SHISA9: variants seen among roughly 807,000 people sequenced by gnomAD.
The protein encoded by SHISA9 is shisa family member 9.
SHISA9 carries 13 observed loss-of-function variants against 38.0 expected under a neutral mutation model. The ratio of observed to expected loss-of-function variants is 0.34; its 90% CI spans 0.22 to 0.54. The LOEUF is 0.54. Ranked by LOEUF, SHISA9 falls within the 20% of genes least tolerant of loss-of-function variation. SHISA9 has a pLI of 0.91. For missense variants in SHISA9, 538 were observed against 575.8 expected, an observed-to-expected ratio of 0.93 and a Z score of 0.67; for synonymous variants, 275 against 242.0, an observed-to-expected ratio of 1.14 and a Z score of -1.27.
the SHISA9 span, among the ~76,000 whole-genome samples, chr16:13,308,770 T>TC: frequency 6.6e-6 from 1 of 152,096 alleles, no homozygotes; most frequent in Non-Finnish European, 1.5e-5. Flanking sequence ...GATGGAAAAA[T>TC]CCCACCACCA....
intron 2 of SHISA9, among the ~76,000 whole-genome samples, chr16:13,079,381 A>G (rs1363289430): frequency 1.3e-5 from 2 of 152,204 alleles, no homozygotes; most frequent in Non-Finnish European, 2.9e-5. Flanking sequence ...TGTCTTACCT[A>G]TCATAAGCTT....
chr16:12,991,129 A>T (rs11863093), intron 2 of SHISA9, among the ~76,000 whole-genome samples: 5,294 of 152,228 alleles, frequency 0.035, 167 homozygotes, highest in African/African-American at 0.089. Context: ...AAGGAGTTGA[A>T]TACCTTTTTA....
chr16:12,926,278 T>TC (rs2071392593), intron 2 of SHISA9, among the ~76,000 whole-genome samples: 3 of 152,186 alleles, frequency 2.0e-5, no homozygotes, highest in Non-Finnish European at 4.4e-5. Flanking sequence ...TGCCTCTTTT[T>TC]CTATTTGTTT....
At chr16:13,264,764 C>A in the SHISA9 span, among the ~76,000 whole-genome samples, 3 of 151,900 alleles carry the variant, frequency 2.0e-5, no homozygotes, top group Admixed American at 2.0e-4. Flanking sequence ...AGCACAGAAC[C>A]CTCATCTTGG....
the SHISA9 span, among the ~76,000 whole-genome samples, chr16:13,288,529 C>T: frequency 6.6e-6 from 1 of 152,092 alleles, no homozygotes; most frequent in African/African-American, 2.4e-5. Flanking sequence ...GGTGGGGTGG[C>T]TCACTCCTAT....
At chr16:13,211,958 C>T (rs1053832663) in intron 3 of SHISA9, among the ~76,000 whole-genome samples, 1 of 152,160 alleles carries the variant, frequency 6.6e-6, no homozygotes, top group African/African-American at 2.4e-5. Context: ...GTGGGCCCGA[C>T]TCAGTTTTAA....
chr16:13,488,336 C>G, the SHISA9 span, among the ~76,000 whole-genome samples: 1 of 151,720 alleles, frequency 6.6e-6, no homozygotes, highest in African/African-American at 2.4e-5. Flanking sequence ...TAATTATGAA[C>G]TGTTATTGAC....
At chr16:13,519,735 G>A in the SHISA9 span, among the ~76,000 whole-genome samples, 1 of 152,122 alleles carries the variant, frequency 6.6e-6, no homozygotes, top group South Asian at 2.1e-4. Context: ...TCTTCACATG[G>A]TGGCAGGAGA....
At chr16:13,490,291 A>T in the SHISA9 span, among the ~76,000 whole-genome samples, 2 of 152,194 alleles carry the variant, frequency 1.3e-5, no homozygotes, top group Non-Finnish European at 1.5e-5. Flanking sequence ...GGCCGGGCAC[A>T]GTGACGCACA....
the SHISA9 span, among the ~76,000 whole-genome samples, chr16:13,527,922 A>G: frequency 2.0e-5 from 3 of 152,310 alleles, no homozygotes; most frequent in South Asian, 6.2e-4. Flanking sequence ...TGATAGAAAA[A>G]TCTAAGATTT....
At chr16:13,117,308 G>T (rs1316586814) in intron 2 of SHISA9, among the ~76,000 whole-genome samples, 1 of 151,872 alleles carries the variant, frequency 6.6e-6, no homozygotes, top group Admixed American at 6.6e-5. Flanking sequence ...CTCAGCTTTA[G>T]TTTCTGCATC....
the SHISA9 span, among the ~76,000 whole-genome samples, chr16:13,420,249 A>C: frequency 7.0e-6 from 1 of 142,248 alleles, no homozygotes; most frequent in Non-Finnish European, 1.5e-5. Flanking sequence ...CTGTTTCAAA[A>C]AAAAAAAAAA....
chr16:13,182,132 T>C (rs2050784221), intron 2 of SHISA9, among the ~76,000 whole-genome samples: 1 of 152,240 alleles, frequency 6.6e-6, no homozygotes, highest in South Asian at 2.1e-4. Flanking sequence ...GTTCTAACAA[T>C]AGGTTTCACC....
chr16:13,177,470 G>C (rs527475013), intron 2 of SHISA9, among the ~76,000 whole-genome samples: 2 of 152,126 alleles, frequency 1.3e-5, no homozygotes, highest in Non-Finnish European at 2.9e-5. Flanking sequence ...AAAACATTCA[G>C]TTCTTCATAA....
the SHISA9 span, among the ~76,000 whole-genome samples, chr16:13,550,588 G>T: frequency 7.3e-4 from 111 of 152,332 alleles, no homozygotes; most frequent in African/African-American, 2.4e-3. Context: ...TTCTGTGGGT[G>T]AAAGTCTGGA....
At chr16:13,091,613 T>C (rs912259758) in intron 2 of SHISA9, among the ~76,000 whole-genome samples, 3 of 152,230 alleles carry the variant, frequency 2.0e-5, no homozygotes, top group Non-Finnish European at 4.4e-5. Context: ...CTTGTGCATG[T>C]GTCACGAAGT....
the SHISA9 span, among the ~76,000 whole-genome samples, chr16:13,536,705 A>G: frequency 6.6e-6 from 1 of 152,250 alleles, no homozygotes; most frequent in African/African-American, 2.4e-5. Context: ...AGCTTGCACC[A>G]TGTGCATGTA....
chr16:13,468,978 C>A, the SHISA9 span, among the ~76,000 whole-genome samples: 1 of 151,636 alleles, frequency 6.6e-6, no homozygotes, highest in Admixed American at 6.6e-5. Flanking sequence ...CACTGTGGCT[C>A]ACACTTGTAA....
chr16:13,473,231 C>A, the SHISA9 span, among the ~76,000 whole-genome samples: 1 of 151,924 alleles, frequency 6.6e-6, no homozygotes, highest in African/African-American at 2.4e-5. Flanking sequence ...CTGATTTGGG[C>A]TATTTTCCAT....
Sources: gnomAD v4.1 joint callset for allele counts (sites outside exome capture counted in the v4.1 genomes callset) on GRCh38, gnomAD v4.1.1 for gene constraint, MANE v1.5 for transcripts, NCBI Gene and HGNC (gene_info 2026-07-23, HGNC 2026-07-21) for gene names.